The following TMEM108 variants were observed in gnomAD, a reference collection of about 807,000 sequenced individuals.
TMEM108 encodes cancer/testis antigen 124.
TMEM108 carries 12 observed loss-of-function variants against 35.1 expected under a neutral mutation model. The ratio of observed to expected loss-of-function variants is 0.34; its 90% CI spans 0.22 to 0.55. TMEM108 has a LOEUF of 0.55. Ranked by LOEUF, TMEM108 falls within the 20% of genes least tolerant of loss-of-function variation. The pLI is 0.89. For synonymous variants in TMEM108, 287 were observed against 308.6 expected, an observed-to-expected ratio of 0.93 and a Z score of 0.73; for missense variants, 680 against 753.3, an observed-to-expected ratio of 0.90 and a Z score of 1.14.
intron 3 of TMEM108, among the ~76,000 whole-genome samples, chr3:133,297,466 G>T (rs935489402): frequency 6.6e-6 from 1 of 152,092 alleles, no homozygotes; most frequent in African/African-American, 2.4e-5. Context: ...AAAGCTTCAG[G>T]CTCGTCGCTT....
At chr3:133,256,243 C>A (rs1328104098) in intron 3 of TMEM108, among the ~76,000 whole-genome samples, 1 of 152,098 alleles carries the variant, frequency 6.6e-6, no homozygotes, top group African/African-American at 2.4e-5. Flanking sequence ...ATCATTAAAG[C>A]ACGAGGGTAA....
chr3:133,234,265 C>T (rs947410422), intron 3 of TMEM108, among the ~76,000 whole-genome samples: 22 of 152,078 alleles, frequency 1.4e-4, no homozygotes, highest in African/African-American at 5.1e-4. Flanking sequence ...ATATGGCTAG[C>T]CAGTTTTCCC....
At chr3:133,256,016 AC>A (rs1244950650) in intron 3 of TMEM108, among the ~76,000 whole-genome samples, 1 of 152,106 alleles carries the variant, frequency 6.6e-6, no homozygotes, top group African/African-American at 2.4e-5. Context: ...AAATAAATAA[AC>A]AACAAGAACT....
At chr3:133,377,364 A>G (rs376833339) in intron 3 of TMEM108, among the ~76,000 whole-genome samples, 6 of 152,342 alleles carry the variant, frequency 3.9e-5, no homozygotes, top group Admixed American at 1.3e-4. Context: ...AGCTGTGGGC[A>G]GGATAGGGGC....
chr3:133,091,116 A>C (rs1943942088), intron 2 of TMEM108, among the ~76,000 whole-genome samples: 1 of 152,210 alleles, frequency 6.6e-6, no homozygotes, highest in South Asian at 2.1e-4. Context: ...TATCTATTTC[A>C]ATGTAGTCTA....
chr3:133,185,785 T>TTTTCTTTTC (rs1491374718), intron 2 of TMEM108, among the ~76,000 whole-genome samples: 4 of 7,020 alleles, frequency 5.7e-4, no homozygotes, highest in African/African-American at 7.6e-4. Context: ...TTTTCTTTTC[T>TTTTCTTTTC]TTTTTTTTTT....
At chr3:133,270,181 C>T (rs1037280723) in intron 3 of TMEM108, among the ~76,000 whole-genome samples, 1 of 152,138 alleles carries the variant, frequency 6.6e-6, no homozygotes, top group African/African-American at 2.4e-5. Context: ...TTTCCTTACT[C>T]GGCTCTATTT....
At chr3:133,226,512 G>C (rs1033315844) in intron 2 of TMEM108, among the ~76,000 whole-genome samples, 1 of 152,166 alleles carries the variant, frequency 6.6e-6, no homozygotes, top group African/African-American at 2.4e-5. Context: ...CAAACAATCT[G>C]TTCTGTGAGT....
chr3:133,098,743 G>A (rs1338731853), intron 2 of TMEM108, among the ~76,000 whole-genome samples: 1 of 152,188 alleles, frequency 6.6e-6, no homozygotes, highest in Non-Finnish European at 1.5e-5. Context: ...AAATTTTAAA[G>A]CTCCAAAACG....
At chr3:133,157,165 T>A (rs181736444) in intron 2 of TMEM108, among the ~76,000 whole-genome samples, 7 of 152,346 alleles carry the variant, frequency 4.6e-5, no homozygotes, top group African/African-American at 1.4e-4. Context: ...GATTTGTTAA[T>A]ATCTTTGCTA....
chr3:133,307,179 A>C (rs2071054196), intron 3 of TMEM108, among the ~76,000 whole-genome samples: 1 of 152,190 alleles, frequency 6.6e-6, no homozygotes, highest in African/African-American at 2.4e-5. Flanking sequence ...TCTTTTGAGA[A>C]GTATCTGTTC....
At chr3:133,295,200 A>G (rs1947126647) in intron 3 of TMEM108, among the ~76,000 whole-genome samples, 1 of 152,190 alleles carries the variant, frequency 6.6e-6, no homozygotes. Flanking sequence ...CAGTTATCCA[A>G]ATTTTTTTAT....
chr3:133,161,128 G>A (rs61530512), intron 2 of TMEM108, among the ~76,000 whole-genome samples: 8,204 of 152,108 alleles, frequency 0.054, 740 homozygotes, highest in African/African-American at 0.19. Context: ...ATCTGGTCCC[G>A]CCTCTACCTT....
chr3:133,257,488 C>T (rs955805393), intron 3 of TMEM108, among the ~76,000 whole-genome samples: 3 of 152,068 alleles, frequency 2.0e-5, no homozygotes, highest in Non-Finnish European at 4.4e-5. Context: ...AACAGTTGAA[C>T]CTGACTTCAT....
intron 3 of TMEM108, among the ~76,000 whole-genome samples, chr3:133,302,929 T>G (rs548860410): frequency 1.8e-4 from 28 of 152,284 alleles, no homozygotes; most frequent in African/African-American, 5.5e-4. Flanking sequence ...TGGTGAACCC[T>G]AAGTCTGAAG....
intron 2 of TMEM108, among the ~76,000 whole-genome samples, chr3:133,067,263 G>A (rs115420294): frequency 4.6e-5 from 7 of 152,158 alleles, no homozygotes; most frequent in South Asian, 2.1e-4. Flanking sequence ...AGAGGAGCTC[G>A]TGTGCTTCAC....
intron 2 of TMEM108, among the ~76,000 whole-genome samples, chr3:133,047,525 T>A (rs1051394103): frequency 3.3e-5 from 5 of 152,168 alleles, no homozygotes; most frequent in Non-Finnish European, 5.9e-5. Flanking sequence ...ATTGACACTT[T>A]GAGCCAGGCA....
intron 4 of TMEM108, among the ~76,000 whole-genome samples, chr3:133,384,578 T>C (rs1027058611): frequency 3.3e-5 from 5 of 152,008 alleles, no homozygotes; most frequent in Admixed American, 2.6e-4. Flanking sequence ...AGAACTGAAA[T>C]TGATTGGATT....
chr3:133,275,838 G>T (rs879135327), intron 3 of TMEM108, among the ~76,000 whole-genome samples: 1 of 152,136 alleles, frequency 6.6e-6, no homozygotes, highest in Admixed American at 6.5e-5. Flanking sequence ...TTTTTCAGAG[G>T]ATTTGCCTTT....
Sources: gnomAD v4.1 joint callset for allele counts (sites outside exome capture counted in the v4.1 genomes callset) on GRCh38, gnomAD v4.1.1 for gene constraint, MANE v1.5 for transcripts, NCBI Gene and HGNC (gene_info 2026-07-23, HGNC 2026-07-21) for gene names.